Variants in BLTP1 observed in about 807,000 individuals in gnomAD.
BLTP1 encodes the protein bridge-like lipid transfer protein family member 1.
the BLTP1 span, among the ~76,000 whole-genome samples, chr4:122,322,204 T>C: frequency 6.6e-6 from 1 of 151,704 alleles, no homozygotes; most frequent in African/African-American, 2.4e-5. Flanking sequence ...TCCTTAGATA[T>C]ACTGTTTTGT....
the BLTP1 span, among the ~76,000 whole-genome samples, chr4:122,179,617 CAA>C: frequency 6.6e-6 from 1 of 152,066 alleles, no homozygotes; most frequent in Non-Finnish European, 1.5e-5. Flanking sequence ...CACTTAGATA[CAA>C]AGAGACAGGT....
the BLTP1 span, among the ~76,000 whole-genome samples, chr4:122,179,589 C>T: frequency 1.3e-5 from 2 of 152,116 alleles, no homozygotes; most frequent in Non-Finnish European, 2.9e-5. Context: ...TCCTCCGTAC[C>T]TGTACCCCAG....
chr4:122,153,143 A>T, the BLTP1 span: 4 of 301,938 alleles, frequency 1.3e-5, no homozygotes, highest in Non-Finnish European at 1.9e-5. Flanking sequence ...TCTTCCGGAG[A>T]GTATTAGTTG....
chr4:122,327,102 T>TTTTG, the BLTP1 span, among the ~76,000 whole-genome samples: 1 of 149,332 alleles, frequency 6.7e-6, no homozygotes, highest in African/African-American at 2.5e-5. Flanking sequence ...TAGGGGGGTG[T>TTTTG]TTTGTTTTGT....
the BLTP1 span, chr4:122,350,327 A>C: frequency 1.0e-6 from 1 of 985,156 alleles, no homozygotes; most frequent in Non-Finnish European, 1.2e-6. Context: ...CACGCTCTTG[A>C]ATAGTGTTTA....
At chr4:122,212,432 G>T in the BLTP1 span, among the ~76,000 whole-genome samples, 1 of 151,992 alleles carries the variant, frequency 6.6e-6, no homozygotes, top group African/African-American at 2.4e-5. Flanking sequence ...GATTTAAAAG[G>T]TAATTTTCAA....
At chr4:122,178,483 T>A in the BLTP1 span, among the ~76,000 whole-genome samples, 1 of 152,220 alleles carries the variant, frequency 6.6e-6, no homozygotes, top group Admixed American at 6.5e-5. Flanking sequence ...CAAATCCGTC[T>A]CTAACTTGCT....
chr4:122,336,740 C>T, the BLTP1 span: 25 of 1,272,070 alleles, frequency 2.0e-5, no homozygotes, highest in South Asian at 1.0e-4. Flanking sequence ...CAGGGAAAAA[C>T]GTATAGAATG....
chr4:122,297,414 G>A, the BLTP1 span, among the ~76,000 whole-genome samples: 24 of 152,134 alleles, frequency 1.6e-4, no homozygotes, highest in Non-Finnish European at 2.6e-4. Flanking sequence ...ACAGATGCTG[G>A]CGAAGTTGCA....
the BLTP1 span, chr4:122,347,802 C>T: frequency 1.3e-6 from 2 of 1,561,912 alleles, no homozygotes; most frequent in Non-Finnish European, 8.8e-7. Context: ...TTTTTGTTAT[C>T]AGTAGCCCTA....
chr4:122,300,877 A>G, the BLTP1 span: 1 of 967,134 alleles, frequency 1.0e-6, no homozygotes, highest in Non-Finnish European at 1.2e-6. Context: ...TAAGATATTA[A>G]GATATTAGAA....
the BLTP1 span, among the ~76,000 whole-genome samples, chr4:122,235,816 A>C: frequency 1.3e-5 from 2 of 152,254 alleles, no homozygotes; most frequent in Non-Finnish European, 2.9e-5. Context: ...AAAAAGAAAA[A>C]AAAAAAAGAA....
the BLTP1 span, chr4:122,223,002 ACT>A: frequency 1.1e-6 from 1 of 935,208 alleles, no homozygotes; most frequent in South Asian, 5.0e-5. Context: ...AAAATTTTAT[ACT>A]GAGAATTATT....
At chr4:122,243,290 A>G in the BLTP1 span, 1 of 574,344 alleles carries the variant, frequency 1.7e-6, no homozygotes. Flanking sequence ...AAAATTGCTG[A>G]CTAATAAGAC....
At chr4:122,297,336 A>C in the BLTP1 span, among the ~76,000 whole-genome samples, 1 of 152,354 alleles carries the variant, frequency 6.6e-6, no homozygotes, top group South Asian at 2.1e-4. Context: ...GAGAAATGCA[A>C]ATCAAAACCA....
chr4:122,153,861 A>G, the BLTP1 span: 5,984 of 324,724 alleles, frequency 0.018, 166 homozygotes, highest in African/African-American at 0.081. Context: ...ACTTAGGAGT[A>G]TTTGTTGTTT....
the BLTP1 span, chr4:122,289,192 G>A: frequency 1.9e-6 from 3 of 1,597,394 alleles, no homozygotes; most frequent in Non-Finnish European, 2.6e-6. Flanking sequence ...AAAAGTTTCT[G>A]GTAAGATGAT....
chr4:122,214,293 A>G, the BLTP1 span: 3 of 928,100 alleles, frequency 3.2e-6, no homozygotes, highest in Non-Finnish European at 3.9e-6. Flanking sequence ...TGTAAAGAAA[A>G]TTTTGGAGAA....
chr4:122,167,910 A>G, the BLTP1 span: 2 of 985,096 alleles, frequency 2.0e-6, no homozygotes, highest in Non-Finnish European at 2.4e-6. Flanking sequence ...TGCTCCATGA[A>G]GATTTTGCAA....
Sources: allele counts gnomAD v4.1 joint callset (sites outside exome capture counted in the v4.1 genomes callset), GRCh38; gene constraint gnomAD v4.1.1; transcripts MANE v1.5; gene names NCBI Gene and HGNC (gene_info 2026-07-23, HGNC 2026-07-21).